Variants in DCDC1 observed in about 807,000 individuals in gnomAD.
DCDC1 encodes the protein doublecortin domain-containing protein 1.
Under a neutral mutation model 178.3 loss-of-function variants are expected in DCDC1, and 200 were observed. The ratio of observed to expected loss-of-function variants is 1.12; its 90% CI spans 1.00 to 1.26. The LOEUF is 1.26. Ranked by LOEUF, DCDC1 falls within the 50% of genes most tolerant of loss-of-function variation. The probability of loss-of-function intolerance (pLI) is 0.00; values close to 1 mark genes in which losing one functional copy is unlikely to be tolerated. For missense variants in DCDC1, 1,983 were observed against 1,749.2 expected, an observed-to-expected ratio of 1.13 and a Z score of -2.38; for synonymous variants, 690 against 604.8, an observed-to-expected ratio of 1.14 and a Z score of -2.07.
chr11:31,042,606 A>G (rs1490194678), intron 20 of DCDC1, among the ~76,000 whole-genome samples: 1 of 152,008 alleles, frequency 6.6e-6, no homozygotes, highest in East Asian at 1.9e-4. Flanking sequence ...TTTCCAGCCC[A>G]CTATGACCGC....
chr11:31,182,821 T>G (rs962596399), intron 9 of DCDC1, among the ~76,000 whole-genome samples: 16 of 152,022 alleles, frequency 1.1e-4, no homozygotes, highest in African/African-American at 3.6e-4. Context: ...GAATAAAGAT[T>G]CAAGACCCAT....
chr11:30,984,034 G>T (rs891095189), intron 20 of DCDC1, among the ~76,000 whole-genome samples: 1 of 152,170 alleles, frequency 6.6e-6, no homozygotes, highest in Non-Finnish European at 1.5e-5. Flanking sequence ...ACTGCTGTGA[G>T]AAAAGTGCTG....
At chr11:31,081,621 G>A (rs1590976370) in intron 17 of DCDC1, among the ~76,000 whole-genome samples, 4 of 151,432 alleles carry the variant, frequency 2.6e-5, no homozygotes, top group South Asian at 4.2e-4. Context: ...AAAAAAAAAA[G>A]AAAAGAAAAG....
At chr11:31,355,067 C>T (rs1951268489) in intron 1 of DCDC1, among the ~76,000 whole-genome samples, 1 of 152,030 alleles carries the variant, frequency 6.6e-6, no homozygotes, top group African/African-American at 2.4e-5. Context: ...AACAAGGATG[C>T]ACTTTGTGAA....
At chr11:31,328,523 GTT>G (rs1265246734) in intron 2 of DCDC1, among the ~76,000 whole-genome samples, 1 of 152,152 alleles carries the variant, frequency 6.6e-6, no homozygotes, top group Non-Finnish European at 1.5e-5. Flanking sequence ...AATGGGCCGG[GTT>G]CAGTGGCTCA....
intron 9 of DCDC1, among the ~76,000 whole-genome samples, chr11:31,187,571 A>T (rs1229355440): frequency 3.3e-5 from 5 of 152,204 alleles, no homozygotes; most frequent in Non-Finnish European, 7.3e-5. Flanking sequence ...ATAGACTGAC[A>T]AGTGTTTGTA....
At chr11:30,997,484 G>T (rs1218126329) in intron 20 of DCDC1, among the ~76,000 whole-genome samples, 1 of 152,028 alleles carries the variant, frequency 6.6e-6, no homozygotes, top group Non-Finnish European at 1.5e-5. Context: ...TGGAAAACAA[G>T]TATTTTGTCT....
chr11:31,349,121 T>C (rs745672085), intron 1 of DCDC1, among the ~76,000 whole-genome samples: 8 of 152,174 alleles, frequency 5.3e-5, no homozygotes, highest in Non-Finnish European at 7.4e-5. Context: ...TTTTTGCTTG[T>C]TTAATAGCTA....
intron 14 of DCDC1, among the ~76,000 whole-genome samples, chr11:31,102,544 C>T (rs1958578953): frequency 6.6e-6 from 1 of 152,088 alleles, no homozygotes. Context: ...CATCAGACTG[C>T]TTTTGGTTCT....
At chr11:31,049,828 C>T (rs1955119546) in intron 20 of DCDC1, among the ~76,000 whole-genome samples, 1 of 152,158 alleles carries the variant, frequency 6.6e-6, no homozygotes, top group Non-Finnish European at 1.5e-5. Flanking sequence ...TACAGGGGTA[C>T]AGGAAGCAGC....
rs540541214 is a variant in DCDC1 at position 31,187,052 on chromosome 11, C to A, written c.1222-49268G>T. ...ACAGTGACACTATTTTCATTCACTT[C>A]CTGATATTTTCTTTAACTCCAGCCT... is the stretch of plus-strand genomic sequence containing the variant. On this transcript the variant is annotated intron_variant, in intron 9 of 38. Transcript: ENST00000684477. Among the ~76,000 whole-genome samples, 298 of 152,270 alleles carry A rather than the reference C, an allele frequency of 2.0e-3. 1 individual carries two copies. The highest frequency in any genetic ancestry group is 6.4e-3 in the African/African-American group (264 of 41,558).
At chr11:31,355,568 T>G (rs1043761415) in intron 1 of DCDC1, among the ~76,000 whole-genome samples, 14 of 152,260 alleles carry the variant, frequency 9.2e-5, no homozygotes, top group African/African-American at 3.1e-4. Context: ...AACATTCTTT[T>G]TCTTTTTTCT....
At chr11:31,024,806 T>C (rs1374270195) in intron 20 of DCDC1, among the ~76,000 whole-genome samples, 1 of 151,962 alleles carries the variant, frequency 6.6e-6, no homozygotes, top group Non-Finnish European at 1.5e-5. Flanking sequence ...TATTAACAAC[T>C]ATTTGGAAAA....
At chr11:31,283,855 A>G (rs936774947) in intron 7 of DCDC1, among the ~76,000 whole-genome samples, 2 of 152,094 alleles carry the variant, frequency 1.3e-5, no homozygotes, top group Admixed American at 6.6e-5. Flanking sequence ...GCTCCCTCTT[A>G]TGGTATTGCC....
rs1258109077 is a variant in DCDC1, at chr11:30,864,090, G to A, written c.*1283C>T. 1 of 151,926 alleles carries A rather than the reference G, an allele frequency of 6.6e-6. No homozygotes were observed. Among genetic ancestry groups the A allele is most frequent in the Non-Finnish European group, 1.5e-5 (1 of 68,016 alleles). 9.4% of individuals were successfully genotyped at this position (151,926 alleles called of 1,614,324 possible). On this transcript the variant is annotated 3_prime_UTR_variant, in exon 39 of 39. Coordinates refer to ENST00000684477, the MANE Select transcript of DCDC1 (RefSeq NM_001387274.1). ...TGTAGTGAGCTGAGATCGCGCCACT[G>A]AACTCCAGACTGGGCAACAGAGTGA...
chr11:30,931,721 C>A, intron 22 of DCDC1, 50 bp downstream of exon 22: 1 of 1,501,188 alleles, frequency 6.7e-7, no homozygotes, highest in Non-Finnish European at 8.9e-7. Flanking sequence ...AACACAAAAT[C>A]TGTACAAACT....
At chr11:30,885,713 A>T (rs1168408472) in intron 36 of DCDC1, among the ~76,000 whole-genome samples, 2 of 152,124 alleles carry the variant, frequency 1.3e-5, no homozygotes, top group Non-Finnish European at 2.9e-5. Flanking sequence ...CAACAGGTGG[A>T]TGGATGAGAA....
chr11:31,130,867 G>GA (rs1962341820), intron 10 of DCDC1, among the ~76,000 whole-genome samples: 1 of 151,614 alleles, frequency 6.6e-6, no homozygotes, highest in Non-Finnish European at 1.5e-5. Context: ...AAGGGAAACA[G>GA]AAAAAAGAAA....
At chr11:31,037,115 C>T (rs1337731352) in intron 20 of DCDC1, among the ~76,000 whole-genome samples, 1 of 152,170 alleles carries the variant, frequency 6.6e-6, no homozygotes, top group African/African-American at 2.4e-5. Context: ...AGCAGAGCTA[C>T]CCTCACTGAA....
Sources: gnomAD v4.1 joint callset for allele counts (sites outside exome capture counted in the v4.1 genomes callset) on GRCh38, gnomAD v4.1.1 for gene constraint, MANE v1.5 for transcripts, NCBI Gene and HGNC (gene_info 2026-07-23, HGNC 2026-07-21) for gene names.